The following CSMD1 variants were observed in gnomAD, a reference collection of about 807,000 sequenced individuals.
CSMD1 encodes CUB and Sushi multiple domains 1, also known as CUB and sushi domain-containing protein 1.
Under a neutral mutation model 417.5 loss-of-function variants are expected in CSMD1, and 213 were observed. That is an observed-to-expected ratio of 0.51 (90% CI 0.46 to 0.57). The LOEUF (loss-of-function observed/expected upper bound fraction) is 0.57. CSMD1 is among the 20% of genes least tolerant of loss of function. CSMD1 has a pLI of 0.00. For synonymous variants in CSMD1, 2,862 were observed against 1,736.8 expected (o/e 1.65, Z -16.11); for missense variants, 6,923 against 4,529.7 (o/e 1.53, Z -15.17).
At chr8:4,803,809 G>A (rs1798439634) in intron 1 of CSMD1, among the ~76,000 whole-genome samples, 1 of 152,012 alleles carries the variant, frequency 6.6e-6, no homozygotes, top group African/African-American at 2.4e-5. Context: ...CTCTACATTT[G>A]AGCTCATAGA....
chr8:3,505,017 A>G (rs553388765), intron 10 of CSMD1, among the ~76,000 whole-genome samples: 1 of 10,882 alleles, frequency 9.2e-5, no homozygotes, highest in Non-Finnish European at 1.5e-4. Flanking sequence ...GAAACAGTTA[A>G]AAAAAAAAAA....
intron 1 of CSMD1, among the ~76,000 whole-genome samples, chr8:4,899,185 G>A (rs1271072655): frequency 6.6e-6 from 1 of 152,102 alleles, no homozygotes; most frequent in Non-Finnish European, 1.5e-5. Context: ...TATATGTGTG[G>A]GTATATGTCC....
chr8:3,075,248 A>C (rs977773967), intron 49 of CSMD1, among the ~76,000 whole-genome samples: 51 of 148,044 alleles, frequency 3.4e-4, no homozygotes, highest in South Asian at 1.1e-3. Flanking sequence ...ACCCAGCCTC[A>C]GGTATTTCTT....
chr8:3,174,742 T>G (rs189177191), intron 37 of CSMD1, among the ~76,000 whole-genome samples: 10 of 152,300 alleles, frequency 6.6e-5, no homozygotes, highest in African/African-American at 2.2e-4. Context: ...CTTAAAAATC[T>G]AGGTGGCTGA....
intron 2 of CSMD1, among the ~76,000 whole-genome samples, chr8:4,463,193 G>C (rs1388049513): frequency 6.6e-6 from 1 of 152,112 alleles, no homozygotes; most frequent in Non-Finnish European, 1.5e-5. Flanking sequence ...AAAATTCTCA[G>C]CATCCTTAGC....
chr8:4,891,871 G>T (rs918217940), intron 1 of CSMD1, among the ~76,000 whole-genome samples: 1 of 152,064 alleles, frequency 6.6e-6, no homozygotes, highest in Non-Finnish European at 1.5e-5. Context: ...GATTGTAAAA[G>T]TTGACATTCA....
intron 10 of CSMD1, among the ~76,000 whole-genome samples, chr8:3,571,960 T>C (rs1316646355): frequency 6.6e-6 from 1 of 152,126 alleles, no homozygotes; most frequent in Non-Finnish European, 1.5e-5. Flanking sequence ...CGTCTCCTCG[T>C]GGATCCCCCT....
chr8:4,064,330 G>A (rs1450662337), intron 3 of CSMD1, among the ~76,000 whole-genome samples: 1 of 152,174 alleles, frequency 6.6e-6, no homozygotes, highest in Non-Finnish European at 1.5e-5. Flanking sequence ...GTGTTTCATA[G>A]TCACCTGCTC....
At chr8:3,739,460 A>T (rs1796685630) in intron 6 of CSMD1, among the ~76,000 whole-genome samples, 1 of 152,102 alleles carries the variant, frequency 6.6e-6, no homozygotes, top group African/African-American at 2.4e-5. Context: ...CCCGTTAATT[A>T]CTCTGGTTTG....
intron 1 of CSMD1, among the ~76,000 whole-genome samples, chr8:4,789,591 T>A (rs7842905): frequency 0.033 from 5,009 of 152,264 alleles, 281 homozygotes; most frequent in African/African-American, 0.11. Context: ...GGTTTGGGAA[T>A]AAACTGTTTT....
chr8:3,244,355 T>G (rs1799741034), intron 26 of CSMD1, among the ~76,000 whole-genome samples: 1 of 152,144 alleles, frequency 6.6e-6, no homozygotes, highest in Non-Finnish European at 1.5e-5. Context: ...GTCCTCTTAG[T>G]TATGCAAACC....
intron 18 of CSMD1, among the ~76,000 whole-genome samples, chr8:3,377,798 T>C (rs1183874217): frequency 1.3e-5 from 2 of 152,208 alleles, no homozygotes; most frequent in African/African-American, 4.8e-5. Context: ...CCTCAGTTAC[T>C]ACCCCCTGGG....
chr8:4,978,819 T>C (rs1310587301), intron 1 of CSMD1, among the ~76,000 whole-genome samples: 1 of 152,080 alleles, frequency 6.6e-6, no homozygotes, highest in Admixed American at 6.6e-5. Context: ...GTGCCTGTAA[T>C]CCCAGCTACT....
intron 12 of CSMD1, among the ~76,000 whole-genome samples, chr8:3,424,336 T>C (rs577866446): frequency 6.6e-6 from 1 of 152,336 alleles, no homozygotes; most frequent in South Asian, 2.1e-4. Flanking sequence ...TAATAATCTC[T>C]GATTAGCAAA....
At chr8:2,982,029 T>C (rs1015928954) in intron 54 of CSMD1, among the ~76,000 whole-genome samples, 6 of 152,154 alleles carry the variant, frequency 3.9e-5, no homozygotes, top group Admixed American at 3.9e-4. Flanking sequence ...TACTCAGAGA[T>C]GTCTTCTTAA....
At chr8:4,592,841 A>G (rs528185472) in intron 2 of CSMD1, among the ~76,000 whole-genome samples, 2 of 152,310 alleles carry the variant, frequency 1.3e-5, no homozygotes, top group South Asian at 2.1e-4. Flanking sequence ...TTGTAATACT[A>G]TTGAAATGAA....
intron 49 of CSMD1, among the ~76,000 whole-genome samples, chr8:3,075,907 C>G (rs1039412602): frequency 6.6e-6 from 1 of 150,436 alleles, no homozygotes; most frequent in Non-Finnish European, 1.5e-5. Context: ...AAAAATTAGC[C>G]GGGCGTGGTG....
chr8:3,376,200 T>G lies in CSMD1; in HGVS notation c.2783-6830A>C, dbSNP rs545169249. Among the ~76,000 whole-genome samples the G allele has an allele frequency of 4.4e-3, 665 of 152,090 alleles. 8 individuals are homozygous for G. Among genetic ancestry groups the G allele is most frequent in the African/African-American group, 0.015 (611 of 41,540 alleles). On this transcript the variant is annotated intron_variant, in intron 18 of 69. Coordinates refer to ENST00000635120, the MANE Select transcript of CSMD1 (RefSeq NM_033225.6). ...ATACTTATTTAATAAAAAAAATTTT[T>G]TGACAATATAAAAATATTTTAATAA...
At chr8:3,250,450 G>C (rs951550721) in intron 26 of CSMD1, among the ~76,000 whole-genome samples, 1 of 152,146 alleles carries the variant, frequency 6.6e-6, no homozygotes, top group Non-Finnish European at 1.5e-5. Context: ...TCTTAATCCA[G>C]TCTGTCATTG....
Sources: allele counts gnomAD v4.1 joint callset (sites outside exome capture counted in the v4.1 genomes callset), GRCh38; gene constraint gnomAD v4.1.1; transcripts MANE v1.5; gene names NCBI Gene and HGNC (gene_info 2026-07-23, HGNC 2026-07-21).